The following CPLX1 variants were observed in gnomAD, a reference collection of about 807,000 sequenced individuals.
CPLX1 encodes the protein complexin 1.
In CPLX1, 6 loss-of-function variants were observed where a neutral mutation model predicts 15.6. The ratio of observed to expected loss-of-function variants is 0.39; its 90% confidence interval spans 0.21 to 0.76. The LOEUF (loss-of-function observed/expected upper bound fraction) is 0.76, where lower values mean the gene tolerates loss of function less well. Among genes scored for constraint, CPLX1 ranks in the 30% least tolerant of loss-of-function variants. The pLI, the probability that CPLX1 is intolerant of heterozygous loss-of-function variation, is 0.43. For missense variants in CPLX1, 242 were observed against 188.6 expected (o/e 1.28, Z -1.66); for synonymous variants, 91 against 75.2 (o/e 1.21, Z -1.08).
chr4:792,223 G>C (rs890885430), intron 3 of CPLX1, among the ~76,000 whole-genome samples: 2 of 152,226 alleles, frequency 1.3e-5, no homozygotes, highest in African/African-American at 2.4e-5. Flanking sequence ...TGGCGCTGTG[G>C]TCAGGAGCAG....
At chr4:787,207 C>T (rs931543679) in intron 3 of CPLX1, 1 of 985,378 alleles carries the variant, frequency 1.0e-6, no homozygotes, top group Non-Finnish European at 1.2e-6. Flanking sequence ...CACTCCCTGG[C>T]AGGCCGCTGC....
rs1333757900 is a variant in CPLX1, at chr4:786,084, GGCCCCGCCGCCCTC to G, written c.*403_*416del. ...AGTCCGCGTGCAGGAGGGGGACCCA[GGCCCCGCCGCCCTC>G]GCCCCGCCCGCAGCCCCCCGTCTGC... is the stretch of plus-strand genomic sequence containing the variant. On this transcript the variant is annotated 3_prime_UTR_variant, in exon 4 of 4. Transcript: ENST00000304062. 3.2e-4 allele frequency: 49 copies of G among 154,402 alleles called. No individual in the cohort carries two copies. Among genetic ancestry groups the G allele is most frequent in the Middle Eastern group, 3.2e-3 (1 of 308 alleles). The allele number at this position is 154,402 out of a possible 1,614,324, so 9.6% of individuals were successfully genotyped here.
chr4:797,763 C>T (rs2152644586), intron 2 of CPLX1, among the ~76,000 whole-genome samples: 1 of 151,764 alleles, frequency 6.6e-6, no homozygotes, highest in South Asian at 2.1e-4. Context: ...GAGACCCCGT[C>T]TCTACTAAAA....
chr4:825,168 G>A lies in CPLX1; in HGVS notation c.-79-567C>T, dbSNP rs573493666. On this transcript the variant is annotated intron_variant, in intron 1 of 3. Transcript: ENST00000304062. Reference sequence around the variant, plus strand: ...GAAACTTCAGGGGGCTCAGCCTTCAGGAAACACGTGGGGACGGGGACAGAG... The same window carrying A: ...GAAACTTCAGGGGGCTCAGCCTTCAAGAAACACGTGGGGACGGGGACAGAG... Among the ~76,000 whole-genome samples the A allele has an allele frequency of 1.2e-4, 19 of 152,236 alleles. No individual in the cohort carries two copies. In the South Asian group the frequency reaches 3.9e-3, roughly 32 times the overall value.
rs751884989 is a variant in CPLX1, at chr4:792,550, G to A, written c.90C>T (p.Ala30=). 7 of 1,613,304 alleles carry A rather than the reference G, an allele frequency of 4.3e-6. No homozygotes were observed. The highest frequency in any genetic ancestry group is 1.1e-5 in the South Asian group (1 of 91,066). ...CCTGCCGCTCCTCCTCCTTCTTGGCGGCGTCTGGGTCCTTCTCCTCGTCAC... is the reference window on the plus strand; with the variant it reads ...CCTGCCGCTCCTCCTCCTTCTTGGCAGCGTCTGGGTCCTTCTCCTCGTCAC... The part of the protein sequence containing the change: ...LGGDEEKDPD[A]AKKEEERQEA... The change falls in exon 3 of 4, where the codon GCC becomes GCT. Residue 30 remains alanine (A), a synonymous_variant. Transcript: ENST00000304062.
At position 786,205 on chromosome 4, in the gene CPLX1, TC is replaced by T; in HGVS notation, c.*295del. ...ACAGGGGTGGTCGCGGGGCTGCCCT[TC>T]GGCGGCCCTGGCCTCGGGCGCTGCT... On this transcript the variant is annotated 3_prime_UTR_variant, in exon 4 of 4. Coordinates refer to ENST00000304062, the MANE Select transcript of CPLX1 (RefSeq NM_006651.4). 4.1e-6 allele frequency: 1 copy of T among 241,538 alleles called. No homozygotes were observed. Among genetic ancestry groups the T allele is most frequent in the East Asian group, 8.2e-5 (1 of 12,240 alleles). The allele number at this position is 241,538 out of a possible 1,614,324, so 15.0% of individuals were successfully genotyped here. A position where few individuals can be genotyped will look rare whatever the true frequency, so the allele number is the denominator to read the frequency against.
chr4:786,216 G>C lies in CPLX1; in HGVS notation c.*285C>G, dbSNP rs183377679. On this transcript the variant is annotated 3_prime_UTR_variant, in exon 4 of 4. Coordinates refer to ENST00000304062, the MANE Select transcript of CPLX1 (RefSeq NM_006651.4). Reference sequence around the variant, plus strand: ...CGCGGGGCTGCCCTTCGGCGGCCCTGGCCTCGGGCGCTGCTGGGTGGGCGG... The same window carrying C: ...CGCGGGGCTGCCCTTCGGCGGCCCTCGCCTCGGGCGCTGCTGGGTGGGCGG... The C allele has an allele frequency of 0.04, 10,660 of 268,856 alleles. 325 individuals carry two copies. The highest frequency in any genetic ancestry group is 0.086 in the South Asian group (651 of 7,556). 16.7% of individuals were successfully genotyped at this position (268,856 alleles called of 1,614,324 possible). A position where few individuals can be genotyped will look rare whatever the true frequency, so the allele number is the denominator to read the frequency against.
chr4:811,944 G>A (rs1245407471), intron 2 of CPLX1, among the ~76,000 whole-genome samples: 3 of 152,166 alleles, frequency 2.0e-5, no homozygotes, highest in Non-Finnish European at 4.4e-5. Flanking sequence ...TAATCACCAG[G>A]AAATGACTTC....
chr4:802,766 C>T (rs1746482061), intron 2 of CPLX1, among the ~76,000 whole-genome samples: 1 of 151,952 alleles, frequency 6.6e-6, no homozygotes, highest in African/African-American at 2.4e-5. Context: ...TGGCCAACAT[C>T]GTGAAACCCC....
At chr4:814,223 T>TC (rs1012983551) in intron 2 of CPLX1, among the ~76,000 whole-genome samples, 1 of 152,180 alleles carries the variant, frequency 6.6e-6, no homozygotes, top group Non-Finnish European at 1.5e-5. Context: ...TGCCTGATTT[T>TC]TTTTTTTTAA....
At chr4:787,782 G>C (rs1746046047) in intron 3 of CPLX1, 3 of 985,300 alleles carry the variant, frequency 3.0e-6, no homozygotes, top group Non-Finnish European at 3.6e-6. Flanking sequence ...CACTCCTCCA[G>C]CCCTCCCGTG....
chr4:786,415 G>A lies in CPLX1; in HGVS notation c.*86C>T. 1 of 1,413,616 alleles carries A rather than the reference G, an allele frequency of 7.1e-7. No homozygotes were observed. The highest frequency in any genetic ancestry group is 9.4e-7 in the Non-Finnish European group (1 of 1,062,466). The allele number at this position is 1,413,616 out of a possible 1,614,324, so 87.6% of individuals were successfully genotyped here. A position where few individuals can be genotyped will look rare whatever the true frequency, so the allele number is the denominator to read the frequency against. ...TATGGCTTATATCGGCGTGGGGGCT[G>A]CGCTCTGCTCGTCCCTCAGGGGCCT... On this transcript the variant is annotated 3_prime_UTR_variant, in exon 4 of 4. Coordinates refer to ENST00000304062, the MANE Select transcript of CPLX1 (RefSeq NM_006651.4).
chr4:814,673 G>T (rs1365510985), intron 2 of CPLX1, among the ~76,000 whole-genome samples: 1 of 152,230 alleles, frequency 6.6e-6, no homozygotes, highest in African/African-American at 2.4e-5. Context: ...GAAGAACCAG[G>T]GGCTACCCCA....
At chr4:804,925 C>G (rs1234552166) in intron 2 of CPLX1, 1 of 985,392 alleles carries the variant, frequency 1.0e-6, no homozygotes, top group Non-Finnish European at 1.2e-6. Context: ...CAGTGCGTCG[C>G]CGCGAGCACG....
In CPLX1 at chr4:792,453, G is replaced by T; in HGVS notation, c.187C>A (p.Arg63Ser). The change falls in exon 3 of 4, where the codon CGC (arginine) becomes AGC (serine). Residue 63 changes from arginine (R) to serine (S), a missense_variant. Transcript: ENST00000304062. ...CGCACCTTGTCTCGGATGCCCTGGC[G>T]CACGGCCTCGCGCTCCGCCTCCATC... ...AKMEAEREAV[R>S]QGIRDKYGIK... 1 of 1,600,224 alleles carries T rather than the reference G, an allele frequency of 6.2e-7. No individual in the cohort carries two copies. The highest frequency in any genetic ancestry group is 1.7e-5 in the Admixed American group (1 of 58,986).
At chr4:789,281 C>T (rs1268427441) in intron 3 of CPLX1, among the ~76,000 whole-genome samples, 1 of 152,118 alleles carries the variant, frequency 6.6e-6, no homozygotes, top group Admixed American at 6.5e-5. Flanking sequence ...TGATGCTGGG[C>T]AGCAGCTCTC....
intron 2 of CPLX1, among the ~76,000 whole-genome samples, chr4:814,042 G>A (rs1277196668): frequency 2.0e-5 from 3 of 152,208 alleles, no homozygotes; most frequent in Admixed American, 6.5e-5. Flanking sequence ...ACACCTGGGC[G>A]ACCCAAGCCG....
intron 2 of CPLX1, among the ~76,000 whole-genome samples, chr4:811,389 T>G (rs1451024741): frequency 6.6e-6 from 1 of 151,984 alleles, no homozygotes. Context: ...CAGGCAATCC[T>G]TCCTCCTTAG....
rs1746622242 is a variant in CPLX1, at chr4:809,525, AG to A, written c.31+14966del. On this transcript the variant is annotated intron_variant, in intron 2 of 3. Transcript: ENST00000304062. ...GCCTTGAACACGGACACATGGCCTG[AG>A]GGGGTGGGGGGGACCTCAGGCCGTG... Among the ~76,000 whole-genome samples, 3 of 151,896 alleles carry A rather than the reference AG, an allele frequency of 2.0e-5. No individual in the cohort carries two copies. The Middle Eastern group carries it at 0.01, about 517-fold the overall frequency.
Sources: gnomAD v4.1 joint callset for allele counts (sites outside exome capture counted in the v4.1 genomes callset) on GRCh38, gnomAD v4.1.1 for gene constraint, MANE v1.5 for transcripts, NCBI Gene and HGNC (gene_info 2026-07-23, HGNC 2026-07-21) for gene names.